The following DGLUCY variants were observed in gnomAD, a reference collection of about 807,000 sequenced individuals.
The protein encoded by DGLUCY is D-glutamate cyclase, mitochondrial.
In DGLUCY, 58 loss-of-function variants were observed where a neutral mutation model predicts 58.5. That is an observed-to-expected ratio of 0.99 (90% confidence interval 0.80 to 1.23). DGLUCY has a LOEUF of 1.23. Among genes scored for constraint, DGLUCY ranks in the 50% most tolerant of loss-of-function variants. The pLI is 0.00. For missense variants in DGLUCY, 779 were observed against 784.7 expected (o/e 0.99, Z 0.09); for synonymous variants, 325 against 314.1 (o/e 1.03, Z -0.37).
chr14:91,075,096 T>TG (rs1268815376), intron 1 of DGLUCY, among the ~76,000 whole-genome samples: 3 of 151,942 alleles, frequency 2.0e-5, no homozygotes, highest in African/African-American at 4.8e-5. Context: ...AAAGAAGAAT[T>TG]GCTCTTCTTT....
At chr14:91,117,407 C>T (rs2045039073) in intron 1 of DGLUCY, among the ~76,000 whole-genome samples, 1 of 152,114 alleles carries the variant, frequency 6.6e-6, no homozygotes, top group African/African-American at 2.4e-5. Flanking sequence ...TTATTTTACC[C>T]AGCCCCTGTT....
chr14:91,188,815 C>A (rs1157969836), intron 8 of DGLUCY, 95 bp from the exon 9 acceptor site: 22 of 1,374,862 alleles, frequency 1.6e-5, no homozygotes, highest in Non-Finnish European at 1.6e-5. Context: ...GATGACAGAG[C>A]AAAACCCTAT....
At chr14:91,093,812 A>G (rs2044350290) in intron 1 of DGLUCY, among the ~76,000 whole-genome samples, 2 of 151,900 alleles carry the variant, frequency 1.3e-5, no homozygotes, top group Admixed American at 1.3e-4. Context: ...ACAAACAAAC[A>G]AACAAACAGA....
chr14:91,200,014 G>T, intron 11 of DGLUCY, 109 bp downstream of exon 11: 1 of 1,419,062 alleles, frequency 7.0e-7, no homozygotes, highest in Admixed American at 1.8e-5. Flanking sequence ...GAGTGCAGTG[G>T]CACGATCTTG....
upstream of DGLUCY, among the ~76,000 whole-genome samples, chr14:91,111,228 GTGTGTGTGTGTGTGTGTGTGTA>G (rs1566944313): frequency 4.3e-3 from 636 of 148,052 alleles, 11 homozygotes; most frequent in African/African-American, 0.014. Flanking sequence ...GTGTGTGTGT[GTGTGTGTGTGTGTGTGTGTGTA>G]TATATCTATA....
chr14:91,162,378 A>C (rs939018854), intron 3 of DGLUCY, among the ~76,000 whole-genome samples: 2 of 152,210 alleles, frequency 1.3e-5, no homozygotes, highest in Non-Finnish European at 2.9e-5. Flanking sequence ...ACTGCCTTCC[A>C]TGGAGCCCAA....
At chr14:91,095,881 C>T (rs1348957517) in intron 1 of DGLUCY, among the ~76,000 whole-genome samples, 1 of 151,580 alleles carries the variant, frequency 6.6e-6, no homozygotes, top group Non-Finnish European at 1.5e-5. Flanking sequence ...AAGCTCACAT[C>T]TTCAGTGTCC....
chr14:91,105,391 C>A (rs115760697), upstream of DGLUCY, among the ~76,000 whole-genome samples: 1 of 152,262 alleles, frequency 6.6e-6, no homozygotes, highest in South Asian at 2.1e-4. Context: ...TGAGGACTCA[C>A]CAGATCACAT....
chr14:91,157,140 T>A (rs1378401721), intron 1 of DGLUCY, among the ~76,000 whole-genome samples: 2 of 150,192 alleles, frequency 1.3e-5, no homozygotes, highest in Non-Finnish European at 3.0e-5. Context: ...GATGGATGGA[T>A]GGATGGATGG....
At chr14:91,172,663 T>C (rs1232521126) in intron 5 of DGLUCY, among the ~76,000 whole-genome samples, 1 of 152,120 alleles carries the variant, frequency 6.6e-6, no homozygotes, top group Non-Finnish European at 1.5e-5. Context: ...TTTTTTTTCT[T>C]TGAGATGGAG....
At position 91,215,451 on chromosome 14, in the gene DGLUCY, C is replaced by A. The variant is rs765549461; in HGVS notation, c.1611C>A (p.Ile537=). 6.2e-7 allele frequency: 1 copy of A among 1,614,102 alleles called. No individual in the cohort carries two copies. Among genetic ancestry groups the A allele is most frequent in the African/African-American group, 1.3e-5 (1 of 74,940 alleles). The change falls in exon 13 of 14, where the codon ATC becomes ATA. Residue 537 remains isoleucine (I), a synonymous_variant. Transcript: ENST00000256324. ...GGYALACALY[I]LYSCAVHSQY... Reference sequence around the variant, plus strand: ...ATGCCCTGGCCTGCGCACTCTACATCCTGTACTCATGTGCTGTCCACAGTC... The same window carrying A: ...ATGCCCTGGCCTGCGCACTCTACATACTGTACTCATGTGCTGTCCACAGTC...
chr14:91,113,107 C>G (rs1375851446), upstream of DGLUCY, among the ~76,000 whole-genome samples: 3 of 151,836 alleles, frequency 2.0e-5, no homozygotes, highest in Non-Finnish European at 4.4e-5. Context: ...CGAGACCAGC[C>G]CAGCCAGCAT....
chr14:91,187,455 A>T (rs991014163), intron 8 of DGLUCY, among the ~76,000 whole-genome samples: 1 of 152,194 alleles, frequency 6.6e-6, no homozygotes, highest in Non-Finnish European at 1.5e-5. Context: ...GATGACCTGA[A>T]TGTAGACAAA....
chr14:91,222,003 C>T (rs1214954926), intron 13 of DGLUCY, among the ~76,000 whole-genome samples: 5 of 152,306 alleles, frequency 3.3e-5, no homozygotes, highest in Middle Eastern at 3.4e-3. Context: ...TCCACACACT[C>T]AGCCACCCTG....
chr14:91,188,765 G>A, intron 8 of DGLUCY, 145 bp from the exon 9 acceptor site: 1 of 906,222 alleles, frequency 1.1e-6, no homozygotes, highest in Non-Finnish European at 1.6e-6. Flanking sequence ...GGAGTTTGAG[G>A]CTGCAGTGAG....
intron 3 of DGLUCY, among the ~76,000 whole-genome samples, chr14:91,163,114 G>A (rs920652510): frequency 3.3e-5 from 5 of 152,044 alleles, no homozygotes; most frequent in Admixed American, 2.6e-4. Flanking sequence ...AAAAGAATTA[G>A]CCAGGTGTGG....
At chr14:91,169,875 C>T (rs2048475061) in intron 4 of DGLUCY, 128 bp from the exon 5 acceptor site, 3 of 946,652 alleles carry the variant, frequency 3.2e-6, no homozygotes, top group Non-Finnish European at 4.9e-6. Flanking sequence ...ATGCTCCCTA[C>T]CCTGGTGCCA....
intron 1 of DGLUCY, among the ~76,000 whole-genome samples, chr14:91,100,801 T>C (rs1192727391): frequency 6.6e-6 from 1 of 152,196 alleles, no homozygotes; most frequent in Admixed American, 6.5e-5. Flanking sequence ...CCAGGCACAG[T>C]GGCTCACGCC....
intron 10 of DGLUCY, among the ~76,000 whole-genome samples, chr14:91,198,005 C>T (rs568226434): frequency 2.5e-4 from 38 of 152,304 alleles, no homozygotes; most frequent in African/African-American, 8.9e-4. Context: ...TTGAAAAACA[C>T]TGTCTTGGAA....
Sources: gnomAD v4.1 joint callset for allele counts (sites outside exome capture counted in the v4.1 genomes callset) on GRCh38, gnomAD v4.1.1 for gene constraint, MANE v1.5 for transcripts, NCBI Gene and HGNC (gene_info 2026-07-23, HGNC 2026-07-21) for gene names.